The following DIPK1A variants were observed in gnomAD, a reference collection of about 807,000 sequenced individuals.
The protein encoded by DIPK1A is family with sequence similarity 69 member A.
Under a neutral mutation model 40.8 loss-of-function variants are expected in DIPK1A, and 27 were observed. The ratio of observed to expected loss-of-function variants is 0.66; its 90% confidence interval spans 0.49 to 0.91. The LOEUF is 0.91. Among genes scored for constraint, DIPK1A ranks in the 40% least tolerant of loss-of-function variants. The pLI is 0.00. For missense variants in DIPK1A, 412 were observed against 505.7 expected (o/e 0.81, Z 1.78); for synonymous variants, 166 against 171.3 (o/e 0.97, Z 0.24).
chr1:92,945,737 T>C (rs1332065678), intron 1 of DIPK1A, among the ~76,000 whole-genome samples: 7 of 152,188 alleles, frequency 4.6e-5, no homozygotes, highest in Non-Finnish European at 7.4e-5. Context: ...TTTTCATTAT[T>C]TGAATGGTCC....
intron 1 of DIPK1A, among the ~76,000 whole-genome samples, chr1:92,898,501 C>G (rs1212005006): frequency 6.6e-6 from 1 of 152,108 alleles, no homozygotes; most frequent in African/African-American, 2.4e-5. Flanking sequence ...TATCACAAAA[C>G]ATATCACCTT....
chr1:92,893,823 G>A (rs1201430841), intron 1 of DIPK1A, among the ~76,000 whole-genome samples: 6 of 151,574 alleles, frequency 4.0e-5, no homozygotes, highest in Admixed American at 2.0e-4. Context: ...CCAAGCAAAT[G>A]GAAAATAAAA....
chr1:92,894,210 G>GCACCA (rs995719503), intron 1 of DIPK1A, among the ~76,000 whole-genome samples: 1 of 152,118 alleles, frequency 6.6e-6, no homozygotes, highest in African/African-American at 2.4e-5. Flanking sequence ...ATTCTTTTCA[G>GCACCA]CACCACACCA....
intron 1 of DIPK1A, among the ~76,000 whole-genome samples, chr1:92,898,269 T>C (rs1331764415): frequency 6.6e-6 from 1 of 152,144 alleles, no homozygotes; most frequent in Non-Finnish European, 1.5e-5. Flanking sequence ...GCCTGTCACA[T>C]GGTGAAGAGA....
intron 3 of DIPK1A, among the ~76,000 whole-genome samples, chr1:92,847,632 CCAGA>C (rs1290584045): frequency 6.6e-6 from 1 of 152,112 alleles, no homozygotes. Context: ...AGCAAAGTTC[CCAGA>C]CATTCTACTT....
At chr1:92,872,168 C>T (rs539332033) in intron 2 of DIPK1A, among the ~76,000 whole-genome samples, 1 of 146,786 alleles carries the variant, frequency 6.8e-6, no homozygotes, top group South Asian at 2.2e-4. Context: ...CAACCTCTGC[C>T]TCCTGGGTTC....
At chr1:92,903,209 C>T (rs1025358320) in intron 1 of DIPK1A, among the ~76,000 whole-genome samples, 3 of 152,048 alleles carry the variant, frequency 2.0e-5, no homozygotes, top group East Asian at 3.9e-4. Flanking sequence ...CCACTCCAGG[C>T]TAATTTTTGT....
At chr1:92,931,131 A>T (rs1650731008) in intron 1 of DIPK1A, 1 of 150,666 alleles carries the variant, frequency 6.6e-6, no homozygotes, top group South Asian at 2.1e-4. Context: ...TATTTAGAGC[A>T]TTTTTTTTTG....
intron 2 of DIPK1A, among the ~76,000 whole-genome samples, chr1:92,869,955 T>C (rs1002211721): frequency 6.6e-6 from 1 of 152,032 alleles, no homozygotes; most frequent in African/African-American, 2.4e-5. Flanking sequence ...TAGGCAGCTA[T>C]TGTAAAACTG....
At position 92,890,607 on chromosome 1, in the gene DIPK1A, T is replaced by C. The variant is rs113399636; in HGVS notation, c.55-14177A>G. On this transcript the variant is annotated intron_variant, in intron 1 of 4. Coordinates refer to ENST00000370310, the MANE Select transcript of DIPK1A (RefSeq NM_001006605.5). ...TTTGTCTTTGGTTCTGTTAATGTGA[T>C]GTATCATATTTACTGATTTGTGTAC... is the stretch of plus-strand genomic sequence containing the variant. Among the ~76,000 whole-genome samples the C allele has an allele frequency of 4.4e-3, 675 of 152,352 alleles. 4 individuals carry two copies. The highest frequency in any genetic ancestry group is 0.015 in the African/African-American group (643 of 41,578).
In DIPK1A at chr1:92,833,127, G is replaced by T. The variant is rs944013709; in HGVS notation, c.475-93C>A. The T allele has an allele frequency of 1.0e-5, 7 of 674,504 alleles. No homozygotes were observed. The East Asian group carries it at 1.9e-4, about 18-fold the overall frequency. The allele number at this position is 674,504 out of a possible 1,614,324, so 41.8% of individuals were successfully genotyped here. ...ATACCTGTTAAATGTAATAAATTGG[G>T]GCCTGCATTTTGTATGTTTCTTTTA... is the stretch of plus-strand genomic sequence containing the variant. On this transcript the variant is annotated intron_variant, in intron 4 of 4. Coordinates refer to the DIPK1A transcript ENST00000615519.
rs1198417382 is a variant in DIPK1A, at chr1:92,876,269, A to G, written c.189+27T>C. On this transcript the variant is annotated intron_variant, in intron 2 of 4. Transcript: ENST00000370310. ...ATATAGTGTTATGAAGAGGCTTTTT[A>G]GTAAACAGGAAATTTAAAATACTTA... is the stretch of plus-strand genomic sequence containing the variant. 3 of 1,418,258 alleles carry G rather than the reference A, an allele frequency of 2.1e-6. No homozygotes were observed. The African/African-American group carries it at 4.4e-5, about 21-fold the overall frequency. The allele number at this position is 1,418,258 out of a possible 1,614,324, so 87.9% of individuals were successfully genotyped here.
chr1:92,868,577 G>A (rs979837267), intron 2 of DIPK1A, among the ~76,000 whole-genome samples: 3 of 152,078 alleles, frequency 2.0e-5, no homozygotes, highest in African/African-American at 4.8e-5. Flanking sequence ...CATTCTCTAC[G>A]AAACATTGCT....
chr1:92,858,482 G>A (rs993771069), intron 2 of DIPK1A, among the ~76,000 whole-genome samples: 4 of 152,096 alleles, frequency 2.6e-5, no homozygotes, highest in East Asian at 1.9e-4. Context: ...TAAGTGTTCC[G>A]TAAATGTTTA....
At chr1:92,934,033 T>C (rs1440897647) in intron 1 of DIPK1A, 1 of 152,092 alleles carries the variant, frequency 6.6e-6, no homozygotes, top group Non-Finnish European at 1.5e-5. Context: ...TTGAGAGACA[T>C]TATGAAAGTA....
At chr1:92,850,433 C>A (rs531793984) in intron 3 of DIPK1A, among the ~76,000 whole-genome samples, 93 of 152,320 alleles carry the variant, frequency 6.1e-4, no homozygotes, top group Admixed American at 5.9e-3. Flanking sequence ...ATAATCCCAG[C>A]ACTTTGGAAG....
At chr1:92,833,212 G>A (rs534200226) in intron 4 of DIPK1A, 22 of 652,806 alleles carry the variant, frequency 3.4e-5, no homozygotes, top group African/African-American at 2.9e-4. Context: ...TCTGTGACAT[G>A]GAAGGTAGAG....
intron 4 of DIPK1A, chr1:92,846,460 T>C (rs552370109): frequency 4.1e-5 from 11 of 269,246 alleles, no homozygotes; most frequent in African/African-American, 2.0e-4. Context: ...CAGCCTCTAA[T>C]AGCCACAATT....
chr1:92,891,023 T>C (rs1185264207), intron 1 of DIPK1A, among the ~76,000 whole-genome samples: 5 of 152,180 alleles, frequency 3.3e-5, no homozygotes, highest in African/African-American at 7.2e-5. Flanking sequence ...AGGTTTTCTA[T>C]TTCTTCTTGG....
Sources: allele counts gnomAD v4.1 joint callset (sites outside exome capture counted in the v4.1 genomes callset), GRCh38; gene constraint gnomAD v4.1.1; transcripts MANE v1.5; gene names NCBI Gene and HGNC (gene_info 2026-07-23, HGNC 2026-07-21).